The following TBC1D4 variants were observed in gnomAD, a reference collection of about 807,000 sequenced individuals.
TBC1D4 encodes the protein TBC1 domain family member 4.
A neutral mutation model predicts 142.5 loss-of-function variants in TBC1D4; 121 were observed. The ratio of observed to expected loss-of-function variants is 0.85; its 90% confidence interval spans 0.73 to 0.99. TBC1D4 has a LOEUF of 0.99. Among genes scored for constraint, TBC1D4 ranks in the 50% least tolerant of loss-of-function variants. The pLI is 0.00. For synonymous variants in TBC1D4, 630 were observed against 628.2 expected (o/e 1.00, Z -0.04); for missense variants, 1,475 against 1,606.6 (o/e 0.92, Z 1.40).
At chr13:75,479,436 C>A (rs1436362456) in intron 1 of TBC1D4, among the ~76,000 whole-genome samples, 1 of 151,906 alleles carries the variant, frequency 6.6e-6, no homozygotes, top group Non-Finnish European at 1.5e-5. Context: ...ATAGTTCAGC[C>A]TCTAACGCTT....
rs574177844 is a variant in TBC1D4, at chr13:75,403,798, C to T, written c.499-41191G>A. 1.9e-4 allele frequency among the ~76,000 whole-genome samples: 29 copies of T among 152,140 alleles called. No homozygotes were observed. The Middle Eastern group carries it at 0.01, about 54-fold the overall frequency. ...TATTTAAACAGCTCAAGAAAACTCA[C>T]AAGAAAAACACAGGCTCAAGTGGGA... On this transcript the variant is annotated intron_variant, in intron 1 of 20. Transcript: ENST00000377636.
intron 16 of TBC1D4, among the ~76,000 whole-genome samples, chr13:75,300,775 G>A (rs954077248): frequency 6.6e-6 from 1 of 152,000 alleles, no homozygotes; most frequent in Non-Finnish European, 1.5e-5. Context: ...ATAGGACATC[G>A]TGACTAACCC....
intron 19 of TBC1D4, among the ~76,000 whole-genome samples, chr13:75,291,118 A>G (rs1312776990): frequency 6.6e-6 from 1 of 152,138 alleles, no homozygotes; most frequent in East Asian, 1.9e-4. Flanking sequence ...ATTACTCTCA[A>G]TTTGCTTCTC....
At chr13:75,367,373 G>C (rs1420700677) in intron 1 of TBC1D4, among the ~76,000 whole-genome samples, 1 of 152,068 alleles carries the variant, frequency 6.6e-6, no homozygotes, top group Non-Finnish European at 1.5e-5. Flanking sequence ...AAATAGATAT[G>C]ACGGATATCA....
intron 1 of TBC1D4, among the ~76,000 whole-genome samples, chr13:75,392,447 C>G (rs7319868): frequency 0.87 from 132,404 of 152,170 alleles, 59,190 homozygotes; most frequent in East Asian, 1. Flanking sequence ...AATTCACTGG[C>G]ACTTGCAAGA....
intron 1 of TBC1D4, among the ~76,000 whole-genome samples, chr13:75,371,197 T>A (rs1408829293): frequency 1.3e-5 from 2 of 151,952 alleles, no homozygotes; most frequent in Non-Finnish European, 2.9e-5. Flanking sequence ...TTCAAAGCAA[T>A]AGGAACAGAC....
At chr13:75,348,312 A>C (rs1881317218) in intron 5 of TBC1D4, among the ~76,000 whole-genome samples, 2 of 152,182 alleles carry the variant, frequency 1.3e-5, no homozygotes, top group South Asian at 4.1e-4. Flanking sequence ...TGCTATGTTT[A>C]TTAATAATTT....
chr13:75,386,711 A>C (rs927625785), intron 1 of TBC1D4, among the ~76,000 whole-genome samples: 3 of 152,112 alleles, frequency 2.0e-5, no homozygotes, highest in African/African-American at 7.2e-5. Context: ...AAATAATAAA[A>C]CCATAAAGAC....
intron 14 of TBC1D4, among the ~76,000 whole-genome samples, chr13:75,307,656 T>A (rs942090473): frequency 6.6e-6 from 1 of 152,226 alleles, no homozygotes; most frequent in Non-Finnish European, 1.5e-5. Flanking sequence ...TACTCTTTAC[T>A]TAGTGTGTTT....
chr13:75,470,235 C>T (rs553356896), intron 1 of TBC1D4, among the ~76,000 whole-genome samples: 1 of 152,128 alleles, frequency 6.6e-6, no homozygotes, highest in African/African-American at 2.4e-5. Context: ...GTCACAAATG[C>T]TCAGCACTGC....
At chr13:75,336,740 CA>C (rs1487262349) in intron 8 of TBC1D4, among the ~76,000 whole-genome samples, 180 bp downstream of exon 8, 21 of 150,186 alleles carry the variant, frequency 1.4e-4, no homozygotes, top group South Asian at 2.1e-4. Flanking sequence ...AAATCCATCT[CA>C]AAAAAACAAA....
At chr13:75,433,895 C>G (rs573852411) in intron 1 of TBC1D4, among the ~76,000 whole-genome samples, 1 of 152,058 alleles carries the variant, frequency 6.6e-6, no homozygotes, top group Admixed American at 6.5e-5. Flanking sequence ...ATGTGGCCAA[C>G]AAGCATATGA....
chr13:75,428,952 A>T (rs142070344), intron 1 of TBC1D4, among the ~76,000 whole-genome samples: 128 of 151,696 alleles, frequency 8.4e-4, no homozygotes, highest in African/African-American at 3.0e-3. Flanking sequence ...CTCCCTATAC[A>T]CTCCTGCATC....
chr13:75,377,214 G>A (rs1593812912), intron 1 of TBC1D4: 2 of 152,294 alleles, frequency 1.3e-5, no homozygotes, highest in Admixed American at 6.5e-5. Flanking sequence ...GAGTGAGGCC[G>A]TTAAATGGCA....
chr13:75,454,415 G>A (rs1887647100), intron 1 of TBC1D4, among the ~76,000 whole-genome samples: 1 of 151,986 alleles, frequency 6.6e-6, no homozygotes, highest in East Asian at 1.9e-4. Flanking sequence ...TCCAGGCTTT[G>A]ATAAAAAGAT....
intron 1 of TBC1D4, among the ~76,000 whole-genome samples, chr13:75,405,119 A>G (rs1371895957): frequency 6.6e-6 from 1 of 152,186 alleles, no homozygotes; most frequent in Non-Finnish European, 1.5e-5. Context: ...AGCTCACCAG[A>G]TCTCAGCTAT....
At chr13:75,309,901 A>AATCATAGC (rs1236963364) in intron 14 of TBC1D4, 41 bp downstream of exon 14, 12 of 1,604,932 alleles carry the variant, frequency 7.5e-6, no homozygotes, top group Non-Finnish European at 1.0e-5. Context: ...TACACCCTTC[A>AATCATAGC]ATCATAGCAT....
In TBC1D4 at chr13:75,438,749, C is replaced by T. The variant is rs553024704; in HGVS notation, c.498+42521G>A. Among the ~76,000 whole-genome samples, 3 of 152,266 alleles carry T rather than the reference C, an allele frequency of 2.0e-5. No individual in the cohort carries two copies. In the South Asian group the frequency reaches 6.2e-4, roughly 32 times the overall value. On this transcript the variant is annotated intron_variant, in intron 1 of 20. Transcript: ENST00000377636. ...TCAACGTCTATAGATAAACAGGCTA[C>T]AAGTCTCTTAGATTCGTATATTAGA...
In TBC1D4 at chr13:75,294,972, G is replaced by T. The variant is rs776805516; in HGVS notation, c.3198C>A (p.His1066Gln). The change falls in exon 18 of 21, where the codon CAC (histidine) becomes CAA (glutamine). Residue 1066 changes from histidine (H) to glutamine (Q), a missense_variant. By Grantham distance (24) the His-to-Gln change is conservative (BLOSUM62 0). Around this residue, in one of 2 missense-constraint regions of TBC1D4, gnomAD observed 248 missense variants for 338.9 expected, o/e 0.73. Coordinates refer to ENST00000377636, the MANE Select transcript of TBC1D4 (RefSeq NM_014832.5). ...CTTCAAGGTGATTGTAGAGATCTCT[G>T]TGATAGTCATGAAGGAGCCTGGACA... ...YQLSRLLHDY[H>Q]RDLYNHLEEN... The T allele has an allele frequency of 6.2e-7, 1 of 1,613,740 alleles. No homozygotes were observed. Among genetic ancestry groups the T allele is most frequent in the African/African-American group, 1.3e-5 (1 of 74,900 alleles).
Sources: allele counts gnomAD v4.1 joint callset (sites outside exome capture counted in the v4.1 genomes callset), GRCh38; gene constraint gnomAD v4.1.1; regional missense constraint gnomAD v4.1.1; transcripts MANE v1.5; gene names NCBI Gene and HGNC (gene_info 2026-07-23, HGNC 2026-07-21).